NAT10: variants seen among roughly 807,000 people sequenced by gnomAD.
The protein encoded by NAT10 is RNA cytidine acetyltransferase.
Under a neutral mutation model 132.2 loss-of-function variants are expected in NAT10, and 109 were observed. The ratio of observed to expected loss-of-function variants is 0.82; its 90% CI spans 0.71 to 0.97. The LOEUF (loss-of-function observed/expected upper bound fraction) is 0.97. Ranked by LOEUF, NAT10 falls within the 50% of genes least tolerant of loss-of-function variation. The pLI, the probability that NAT10 is intolerant of heterozygous loss-of-function variation, is 0.00. For missense variants in NAT10, 1,184 were observed against 1,263.4 expected (o/e 0.94, Z 0.95); for synonymous variants, 479 against 478.0 (o/e 1.00, Z -0.03).
chr11:34,123,896 G>A (rs374786947), intron 10 of NAT10, 41 bp downstream of exon 10: 17 of 1,495,432 alleles, frequency 1.1e-5, no homozygotes, highest in Admixed American at 6.7e-5. Context: ...TGGACCTGGT[G>A]TGGTGGCTCA....
intron 11 of NAT10, among the ~76,000 whole-genome samples, chr11:34,126,374 C>T (rs1851994414): frequency 6.6e-6 from 1 of 152,194 alleles, no homozygotes; most frequent in Non-Finnish European, 1.5e-5. Context: ...ACATACTGTA[C>T]TTGTCCTCCT....
In NAT10 at chr11:34,146,566, C is replaced by T. The variant is rs77661406; in HGVS notation, c.*374C>T. ...GACCGCCTGAGGCCCTTAAGTACAT[C>T]GCTTTCTGGTGGTGCCCAGGAGGCT... On this transcript the variant is annotated 3_prime_UTR_variant, in exon 29 of 29. Transcript: ENST00000257829. 204 of 161,276 alleles carry T rather than the reference C, an allele frequency of 1.3e-3. 3 individuals are homozygous for T. In the East Asian group the frequency reaches 0.028, roughly 22 times the overall value. The allele number at this position is 161,276 out of a possible 1,614,324, so 10.0% of individuals were successfully genotyped here. A position where few individuals can be genotyped will look rare whatever the true frequency, so the allele number is the denominator to read the frequency against.
In NAT10 at chr11:34,146,129, C is replaced by T. The variant is rs752360099; in HGVS notation, c.3015C>T (p.Ser1005=). Residue 1005 remains serine, a synonymous_variant, in exon 29 of 29, where the codon AGC becomes AGT. Coordinates refer to ENST00000257829, the MANE Select transcript of NAT10 (RefSeq NM_024662.3). ...KLEAKQEPKQ[S]KKLKNRETKN... is the part of the protein sequence containing the mutation. ...AGGCCAAACAAGAACCCAAACAGAGCAAGAAGTTGAAGAACAGAGAGACAA... is the reference window on the plus strand; with the variant it reads ...AGGCCAAACAAGAACCCAAACAGAGTAAGAAGTTGAAGAACAGAGAGACAA... 1.3e-5 allele frequency: 21 copies of T among 1,610,266 alleles called. No individual in the cohort carries two copies. The highest frequency in any genetic ancestry group is 2.5e-6 in the Non-Finnish European group (3 of 1,178,868).
chr11:34,137,595 T>C (rs1852240476), intron 21 of NAT10, among the ~76,000 whole-genome samples: 1 of 152,200 alleles, frequency 6.6e-6, no homozygotes, highest in Admixed American at 6.5e-5. Flanking sequence ...GGCACGGAGC[T>C]CTTGTCTGTT....
At chr11:34,124,102 G>A (rs1323430186) in intron 10 of NAT10, among the ~76,000 whole-genome samples, 200 bp from the exon 11 acceptor site, 1 of 152,126 alleles carries the variant, frequency 6.6e-6, no homozygotes, top group East Asian at 1.9e-4. Context: ...CCGGGAGGCG[G>A]AGGTTGCAGT....
Position 34,127,369 on chromosome 11 carries a change from G to C in NAT10, c.1108-94G>C, listed in dbSNP as rs1047620817. On this transcript the variant is annotated intron_variant, in intron 11 of 28. Coordinates refer to ENST00000257829, the MANE Select transcript of NAT10 (RefSeq NM_024662.3). ...GAGGAGAGAAGGAAACAGGGAGAGA[G>C]AGGAAAGAGAACATCCTTTATGATG... The C allele has an allele frequency of 3.8e-6, 5 of 1,305,732 alleles. No homozygotes were observed. In the African/African-American group the frequency reaches 4.5e-5, roughly 12 times the overall value. The allele number at this position is 1,305,732 out of a possible 1,614,324, so 80.9% of individuals were successfully genotyped here.
rs1852312425 is a variant in NAT10, at chr11:34,140,765, C to A, written c.2592+193C>A. Among the ~76,000 whole-genome samples, 3 of 152,292 alleles carry A rather than the reference C, an allele frequency of 2.0e-5. No homozygotes were observed. In the South Asian group the frequency reaches 6.2e-4, roughly 32 times the overall value. On this transcript the variant is annotated intron_variant, in intron 24 of 28. Transcript: ENST00000257829. ...AAGTCGAGTAATGTGTCCAGCCATA[C>A]AAAGTGAGAGAGCTGCAGCTTCCAC...
At chr11:34,126,886 A>T (rs1444851761) in intron 11 of NAT10, among the ~76,000 whole-genome samples, 1 of 152,242 alleles carries the variant, frequency 6.6e-6, no homozygotes, top group Non-Finnish European at 1.5e-5. Context: ...AGAAAATAAC[A>T]AGTTCTAGAA....
rs1241337612 is a variant in NAT10, at chr11:34,146,087, CAAG to C, written c.2976_2978del (p.Lys993del). 4 of 1,596,944 alleles carry C rather than the reference CAAG, an allele frequency of 2.5e-6. No homozygotes were observed. In the African/African-American group the frequency reaches 5.4e-5, roughly 22 times the overall value. On this transcript the variant is annotated inframe_deletion, in exon 29 of 29. Transcript: ENST00000257829. ...TCTATTTTTGATTTTTCTCTAGTGA[CAAG>C]AAAAGGAAGTTAGAGGCCAAACAAG...
chr11:34,127,316 G>C, intron 11 of NAT10, 147 bp from the exon 12 acceptor site: 1 of 939,898 alleles, frequency 1.1e-6, no homozygotes, highest in Non-Finnish European at 1.6e-6. Context: ...TTTTTGCCCT[G>C]CCAGGAAAAA....
intron 11 of NAT10, among the ~76,000 whole-genome samples, chr11:34,125,103 T>C (rs1851964058): frequency 6.6e-6 from 1 of 152,276 alleles, no homozygotes; most frequent in Admixed American, 6.5e-5. Flanking sequence ...TATATGCATG[T>C]CAAGAAGTTA....
Position 34,139,272 on chromosome 11 carries a change from G to A in NAT10, c.2293G>A (p.Ala765Thr). Residue 765 changes from alanine (A) to threonine (T), a missense_variant, in exon 22 of 29, where the codon GCA becomes ACA. Coordinates refer to ENST00000257829, the MANE Select transcript of NAT10 (RefSeq NM_024662.3). ...EDEADQGGWL[A>T]AFWKDFRRRF... Reference sequence around the variant, plus strand: ...TGAGGCTGACCAGGGAGGCTGGCTTGCAGCCTTCTGGAAAGGTGACTGAGG... The same window carrying A: ...TGAGGCTGACCAGGGAGGCTGGCTTACAGCCTTCTGGAAAGGTGACTGAGG... The A allele has an allele frequency of 1.2e-6, 2 of 1,614,090 alleles. No individual in the cohort carries two copies. The highest frequency in any genetic ancestry group is 1.7e-6 in the Non-Finnish European group (2 of 1,179,980).
At position 34,113,771 on chromosome 11, in the gene NAT10, GT is replaced by G. The variant is rs763429728; in HGVS notation, c.429del (p.Gly144ValfsTer3). 4.9e-5 allele frequency: 79 copies of G among 1,614,042 alleles called. No individual in the cohort carries two copies. Among genetic ancestry groups the G allele is most frequent in the Non-Finnish European group, 5.8e-5 (68 of 1,180,018 alleles). On this transcript the variant is annotated frameshift_variant, in exon 5 of 29. Transcript: ENST00000257829. LOFTEE classifies it high-confidence loss of function. ...LLARTVETVE[G>X]GGLVVILLRT... ...GCCAGGACTGTAGAAACAGTGGAAG[GT>G]GGTGGGCTAGTGGTCATCCTCCTAC...
chr11:34,122,708 C>T lies in NAT10; in HGVS notation c.914+116C>T, dbSNP rs866442885. ...CCTAGTTCTGAGTTCTGAGTGGGTTCAGTGTGTGATTTCTCTAGGTCTTGA... is the reference window on the plus strand; with the variant it reads ...CCTAGTTCTGAGTTCTGAGTGGGTTTAGTGTGTGATTTCTCTAGGTCTTGA... On this transcript the variant is annotated intron_variant, in intron 9 of 28. Coordinates refer to ENST00000257829, the MANE Select transcript of NAT10 (RefSeq NM_024662.3). 5 of 1,367,568 alleles carry T rather than the reference C, an allele frequency of 3.7e-6. No individual in the cohort carries two copies. The South Asian group carries it at 4.0e-5, about 11-fold the overall frequency. The allele number at this position is 1,367,568 out of a possible 1,614,324, so 84.7% of individuals were successfully genotyped here. A position where few individuals can be genotyped will look rare whatever the true frequency, so the allele number is the denominator to read the frequency against.
chr11:34,141,455 C>T (rs1302573048), intron 25 of NAT10, among the ~76,000 whole-genome samples: 3 of 151,738 alleles, frequency 2.0e-5, no homozygotes, highest in Admixed American at 1.3e-4. Flanking sequence ...CACACACGTG[C>T]GCGCGCAAAT....
At position 34,141,793 on chromosome 11, in the gene NAT10, G is replaced by C; in HGVS notation, c.2787G>C (p.Thr929=). 2 of 1,613,926 alleles carry C rather than the reference G, an allele frequency of 1.2e-6. No homozygotes were observed. Residue 929 remains threonine, a synonymous_variant, in exon 26 of 29, where the codon ACG becomes ACC. Coordinates refer to ENST00000257829, the MANE Select transcript of NAT10 (RefSeq NM_024662.3). ...VAAKDVVMEP[T]MKTLSDDLDE... ...CGAAGGATGTGGTCATGGAGCCCAC[G>C]ATGAAGACCCTCAGTGACGACCTAG...
At position 34,139,286 on chromosome 11, in the gene NAT10, A is replaced by G; in HGVS notation, c.2307A>G (p.Lys769=). Residue 769 remains lysine (K), a splice_region_variant and synonymous_variant, in exon 22 of 29, where the codon AAA becomes AAG. Coordinates refer to ENST00000257829, the MANE Select transcript of NAT10 (RefSeq NM_024662.3). The part of the protein sequence containing the change: ...DQGGWLAAFW[K]DFRRRFLALL... ...GAGGCTGGCTTGCAGCCTTCTGGAAAGGTGACTGAGGAGTAGGGGTTTGGG... is the reference window on the plus strand; with the variant it reads ...GAGGCTGGCTTGCAGCCTTCTGGAAGGGTGACTGAGGAGTAGGGGTTTGGG... 6.2e-7 allele frequency: 1 copy of G among 1,613,394 alleles called. No homozygotes were observed. Among genetic ancestry groups the G allele is most frequent in the Non-Finnish European group, 8.5e-7 (1 of 1,179,482 alleles).
chr11:34,118,509 T>C lies in NAT10; in HGVS notation c.780+6T>C. On this transcript the variant is annotated splice_donor_region_variant and intron_variant, in intron 8 of 28. Coordinates refer to ENST00000257829, the MANE Select transcript of NAT10 (RefSeq NM_024662.3). ...GCTGTAAGACTCTAGACCAGGTGAGTGTGGTGCTCAGCACTTCCAACACAA... is the reference window on the plus strand; with the variant it reads ...GCTGTAAGACTCTAGACCAGGTGAGCGTGGTGCTCAGCACTTCCAACACAA... 2 of 1,609,172 alleles carry C rather than the reference T, an allele frequency of 1.2e-6. No homozygotes were observed. Among genetic ancestry groups the C allele is most frequent in the South Asian group, 1.1e-5 (1 of 90,592 alleles).
At chr11:34,124,497 G>A in intron 11 of NAT10, 97 bp downstream of exon 11, 2 of 786,698 alleles carry the variant, frequency 2.5e-6, no homozygotes, top group Non-Finnish European at 4.1e-6. Context: ...TATGTCTTGT[G>A]TAATTGCATG....
Sources: gnomAD v4.1 joint callset for allele counts (sites outside exome capture counted in the v4.1 genomes callset) on GRCh38, gnomAD v4.1.1 for gene constraint, MANE v1.5 for transcripts, NCBI Gene and HGNC (gene_info 2026-07-23, HGNC 2026-07-21) for gene names.